Variants in SEC61A2 observed in about 807,000 individuals in gnomAD.
SEC61A2 encodes protein transport protein Sec61 subunit alpha isoform 2.
Under a neutral mutation model 59.9 loss-of-function variants are expected in SEC61A2, and 28 were observed. The observed-to-expected ratio is 0.47, with a 90% confidence interval of 0.35 to 0.64. SEC61A2 has a LOEUF of 0.64. Among genes scored for constraint, SEC61A2 ranks in the 30% least tolerant of loss-of-function variants. The pLI is 0.01. For missense variants in SEC61A2, 340 were observed against 585.9 expected (o/e 0.58, Z 4.33); for synonymous variants, 202 against 214.4 (o/e 0.94, Z 0.50).
Position 12,143,364 on chromosome 10 carries a change from A to C in SEC61A2, c.220+169A>C, listed in dbSNP as rs1385565422. Among the ~76,000 whole-genome samples the C allele has an allele frequency of 1.3e-5, 2 of 152,194 alleles. No individual in the cohort carries two copies. Among genetic ancestry groups the C allele is most frequent in the Non-Finnish European group, 2.9e-5 (2 of 68,034 alleles). ...CGTGTGATTAATGTAATCATAGAGA[A>C]ATCTGTTCTTGGGTTTTCATGGACT... On this transcript the variant is annotated intron_variant, in intron 4 of 11. Coordinates refer to ENST00000298428, the MANE Select transcript of SEC61A2 (RefSeq NM_018144.4). This position sits in a 1 kb window ranked among gnomAD's most constrained non-coding sequence, Gnocchi z 4.8.
chr10:12,160,180 T>C lies in SEC61A2; in HGVS notation c.976-750T>C, dbSNP rs540995702. ...AGTAGTTGGTCCTGTACAATTTGTG[T>C]TATGATTTTGAGTAAGATTCTTCTG... On this transcript the variant is annotated intron_variant, in intron 9 of 11. Transcript: ENST00000298428. This position sits in a 1 kb window ranked among gnomAD's most constrained non-coding sequence, Gnocchi z 4.1. 2.6e-5 allele frequency among the ~76,000 whole-genome samples: 4 copies of C among 152,354 alleles called. No homozygotes were observed. Among genetic ancestry groups the C allele is most frequent in the African/African-American group, 7.2e-5 (3 of 41,578 alleles).
chr10:12,163,577 C>T (rs1207545688), intron 11 of SEC61A2, among the ~76,000 whole-genome samples: 1 of 152,092 alleles, frequency 6.6e-6, no homozygotes, highest in Non-Finnish European at 1.5e-5. Context: ...CCGCCTTGGC[C>T]TCCCAAAGTG....
chr10:12,137,965 C>T (rs946252768), intron 3 of SEC61A2, among the ~76,000 whole-genome samples: 2 of 152,108 alleles, frequency 1.3e-5, no homozygotes, highest in Admixed American at 6.5e-5. Flanking sequence ...GAGATCACGC[C>T]ATTGCACTCA....
Position 12,149,765 on chromosome 10 carries a change from G to T in SEC61A2, c.352+39G>T. 1.2e-6 allele frequency: 2 copies of T among 1,606,564 alleles called. No homozygotes were observed. The highest frequency in any genetic ancestry group is 1.1e-5 in the South Asian group (1 of 90,180). On this transcript the variant is annotated intron_variant, in intron 5 of 11. Coordinates refer to ENST00000298428, the MANE Select transcript of SEC61A2 (RefSeq NM_018144.4). This position sits in a 1 kb window ranked among gnomAD's most constrained non-coding sequence, Gnocchi z 5.2. The stretch of plus-strand genomic sequence containing the variant: ...CAATTAAAGAGCATTCTCCAAATTT[G>T]AGAGTGCTCGTGGTAAAGATGTTTT...
intron 6 of SEC61A2, among the ~76,000 whole-genome samples, chr10:12,151,300 T>G (rs922348314): frequency 6.7e-6 from 1 of 150,262 alleles, no homozygotes; most frequent in Admixed American, 6.6e-5. Flanking sequence ...TTTAGGAAAT[T>G]TTTTCTTTTT....
At chr10:12,157,195 A>G (rs1244879555) in intron 8 of SEC61A2, 128 bp downstream of exon 8, 6 of 899,468 alleles carry the variant, frequency 6.7e-6, no homozygotes, top group Admixed American at 2.9e-5. Flanking sequence ...AAATTTTGCA[A>G]TTAGAGTCTC....
At position 12,162,819 on chromosome 10, in the gene SEC61A2, G is replaced by C. The variant is rs901295443; in HGVS notation, c.1244+530G>C. On this transcript the variant is annotated intron_variant, in intron 11 of 11. Transcript: ENST00000298428. This position sits in a 1 kb window ranked among gnomAD's most constrained non-coding sequence, Gnocchi z 6.1. ...CCTTCCCAACCACCAGCCCCAGACA[G>C]CCACTTTTAACTTTGTCTCTACAGA... is the stretch of plus-strand genomic sequence containing the variant. Among the ~76,000 whole-genome samples, 1 of 152,016 alleles carries C rather than the reference G, an allele frequency of 6.6e-6. No individual in the cohort carries two copies.
At position 12,160,872 on chromosome 10, in the gene SEC61A2, C is replaced by A; in HGVS notation, c.976-58C>A. 1 of 1,415,536 alleles carries A rather than the reference C, an allele frequency of 7.1e-7. No individual in the cohort carries two copies. 87.7% of individuals were successfully genotyped at this position (1,415,536 alleles called of 1,614,324 possible). A position where few individuals can be genotyped will look rare whatever the true frequency, so the allele number is the denominator to read the frequency against. On this transcript the variant is annotated intron_variant, in intron 9 of 11. Transcript: ENST00000298428. The surrounding 1 kb of genome is among the most constrained non-coding windows in gnomAD (Gnocchi z 4.1). ...TTTCTGAGAAGTTTGAAGTGACATG[C>A]AAATGTATTCCTGACTAATTAGGTT...
Position 12,154,580 on chromosome 10 carries a change from G to C in SEC61A2, c.463-1198G>C, listed in dbSNP as rs1203059556. ...CTCTACATTATTTTGTCAAAATGTC[G>C]AACTTGGTTTTCAAGCAGTAAAGGA... On this transcript the variant is annotated intron_variant, in intron 6 of 11. Transcript: ENST00000298428. This position sits in a 1 kb window ranked among gnomAD's most constrained non-coding sequence, Gnocchi z 5.2. Among the ~76,000 whole-genome samples, 1 of 152,092 alleles carries C rather than the reference G, an allele frequency of 6.6e-6. No homozygotes were observed. The highest frequency in any genetic ancestry group is 1.5e-5 in the Non-Finnish European group (1 of 68,024).
intron 6 of SEC61A2, among the ~76,000 whole-genome samples, chr10:12,150,680 G>C (rs1588639442): frequency 6.6e-6 from 1 of 151,988 alleles, no homozygotes; most frequent in East Asian, 1.9e-4. Flanking sequence ...GTGAAACACT[G>C]TTTATACACA....
chr10:12,138,019 A>C (rs1360670229), intron 3 of SEC61A2, among the ~76,000 whole-genome samples: 1 of 152,106 alleles, frequency 6.6e-6, no homozygotes, highest in East Asian at 1.9e-4. Flanking sequence ...ATAAATAAAT[A>C]CATAGATACA....
chr10:12,146,664 C>T (rs1486415997), intron 4 of SEC61A2, among the ~76,000 whole-genome samples: 6 of 151,748 alleles, frequency 4.0e-5, no homozygotes, highest in Non-Finnish European at 8.8e-5. Context: ...ACTACAGGTG[C>T]CCGCCACCAC....
downstream of SEC61A2, chr10:12,166,880 CTG>C (rs1417104463): frequency 7.9e-6 from 3 of 379,586 alleles, no homozygotes; most frequent in African/African-American, 6.4e-5. Flanking sequence ...GTGAACTACT[CTG>C]TATTGGGTTT....
downstream of SEC61A2, chr10:12,165,932 G>A (rs1834673366): frequency 6.6e-6 from 1 of 152,104 alleles, no homozygotes; most frequent in Admixed American, 6.5e-5. Flanking sequence ...CCCTTAAGAA[G>A]GTGGAAATAT....
intron 3 of SEC61A2, among the ~76,000 whole-genome samples, chr10:12,140,181 ACTGT>A (rs1340260451): frequency 6.6e-6 from 1 of 152,098 alleles, no homozygotes; most frequent in Non-Finnish European, 1.5e-5. Context: ...AGGCTGGTTG[ACTGT>A]CTGTAATTGG....
At chr10:12,130,051 T>C (rs577876410) in intron 1 of SEC61A2, among the ~76,000 whole-genome samples, 1 of 152,024 alleles carries the variant, frequency 6.6e-6, no homozygotes, top group East Asian at 1.9e-4. Flanking sequence ...TGGGAGGCCA[T>C]TGGTTTTGGG....
Position 12,153,449 on chromosome 10 carries a change from G to C in SEC61A2, c.463-2329G>C, listed in dbSNP as rs1834327289. Among the ~76,000 whole-genome samples, 1 of 152,162 alleles carries C rather than the reference G, an allele frequency of 6.6e-6. No individual in the cohort carries two copies. Among genetic ancestry groups the C allele is most frequent in the East Asian group, 1.9e-4 (1 of 5,204 alleles). On this transcript the variant is annotated intron_variant, in intron 6 of 11. Transcript: ENST00000298428. The surrounding 1 kb of genome is among the most constrained non-coding windows in gnomAD (Gnocchi z 5.2). The stretch of plus-strand genomic sequence containing the variant: ...CAGATTCCTAAGGAATCTCCACTGA[G>C]CGATTCTCAGCCAGCTAGCTACAGG...
At chr10:12,147,303 T>G (rs954331654) in intron 4 of SEC61A2, among the ~76,000 whole-genome samples, 31 of 152,354 alleles carry the variant, frequency 2.0e-4, no homozygotes, top group African/African-American at 7.5e-4. Context: ...TTTGCCATGC[T>G]TAGAAAGACT....
intron 3 of SEC61A2, among the ~76,000 whole-genome samples, chr10:12,140,817 A>G (rs1207924452): frequency 6.6e-6 from 1 of 151,318 alleles, no homozygotes; most frequent in Non-Finnish European, 1.5e-5. Context: ...AATCAGGATG[A>G]TCTCGATTTC....
Sources: gnomAD v4.1 joint callset for allele counts (sites outside exome capture counted in the v4.1 genomes callset) on GRCh38, gnomAD v4.1.1 for gene constraint, Gnocchi (gnomAD v3.1) non-coding constraint, MANE v1.5 for transcripts, NCBI Gene and HGNC (gene_info 2026-07-23, HGNC 2026-07-21) for gene names.